SPATA7: variants seen among roughly 807,000 people sequenced by gnomAD.
The protein encoded by SPATA7 is spermatogenesis associated 7, also known as spermatogenesis-associated protein 7.
In SPATA7, 43 loss-of-function variants were observed where a neutral mutation model predicts 51.8. The ratio of observed to expected loss-of-function variants is 0.83; its 90% CI spans 0.65 to 1.07. The LOEUF (loss-of-function observed/expected upper bound fraction) is 1.07. Ranked by LOEUF, SPATA7 falls within the 50% of genes least tolerant of loss-of-function variation. The pLI is 0.00. For missense variants in SPATA7, 683 were observed against 701.3 expected (o/e 0.97, Z 0.30); for synonymous variants, 230 against 252.8 (o/e 0.91, Z 0.86).
In SPATA7 at chr14:88,427,620, A is replaced by G. The variant is rs770410595; in HGVS notation, c.846-10A>G. The G allele has an allele frequency of 1.3e-6, 2 of 1,578,962 alleles. No individual in the cohort carries two copies. The highest frequency in any genetic ancestry group is 1.1e-5 in the South Asian group (1 of 88,846). ...AAGGATTAACAATTATTTATTTTAA[A>G]TTATTACAGCTTTAAATCTGAGTTG... On this transcript the variant is annotated splice_polypyrimidine_tract_variant and intron_variant, in intron 6 of 11. Transcript: ENST00000393545.
intron 3 of SPATA7, among the ~76,000 whole-genome samples, chr14:88,395,240 T>G (rs572534465): frequency 6.6e-6 from 1 of 152,240 alleles, no homozygotes; most frequent in Admixed American, 6.5e-5. Context: ...GCAATCCCAT[T>G]AACTACAGAC....
chr14:88,408,400 G>T (rs2076253525), intron 4 of SPATA7, among the ~76,000 whole-genome samples: 1 of 151,888 alleles, frequency 6.6e-6, no homozygotes, highest in African/African-American at 2.4e-5. Context: ...CTCATGATTT[G>T]GCTGTCTGTC....
chr14:88,427,036 A>G (rs917201856), intron 6 of SPATA7, among the ~76,000 whole-genome samples: 4 of 152,230 alleles, frequency 2.6e-5, no homozygotes, highest in Non-Finnish European at 5.9e-5. Flanking sequence ...GGAAATATGC[A>G]TATTGATTCA....
chr14:88,433,614 A>G (rs967763132), intron 10 of SPATA7, among the ~76,000 whole-genome samples: 2 of 152,158 alleles, frequency 1.3e-5, no homozygotes, highest in African/African-American at 4.8e-5. Context: ...ATGAGAACAA[A>G]TTAAGAGCTA....
chr14:88,461,567 A>G (rs897884321), intron 4 of SPATA7, among the ~76,000 whole-genome samples: 23 of 152,106 alleles, frequency 1.5e-4, no homozygotes, highest in Non-Finnish European at 2.9e-4. Context: ...AAAGCTCAGT[A>G]TTTGGGTGGG....
At chr14:88,417,316 T>A (rs185906567) in intron 5 of SPATA7, among the ~76,000 whole-genome samples, 8,094 of 143,972 alleles carry the variant, frequency 0.056, 322 homozygotes, top group Non-Finnish European at 0.086. Flanking sequence ...TTTTTTTTTT[T>A]TATATATATA....
At chr14:88,428,391 C>G (rs980808097) in intron 7 of SPATA7, 2 of 152,114 alleles carry the variant, frequency 1.3e-5, no homozygotes, top group African/African-American at 4.8e-5. Context: ...TACTCAACTT[C>G]CCCCTTCCCT....
At chr14:88,437,703 T>C (rs1178857632) in intron 11 of SPATA7, 106 bp downstream of exon 11, 27 of 1,344,034 alleles carry the variant, frequency 2.0e-5, no homozygotes, top group East Asian at 4.7e-5. Flanking sequence ...GCTTTTTTTT[T>C]CCCTTGAACT....
At chr14:88,423,531 G>A (rs928647706) in intron 5 of SPATA7, among the ~76,000 whole-genome samples, 1 of 151,242 alleles carries the variant, frequency 6.6e-6, no homozygotes, top group Non-Finnish European at 1.5e-5. Context: ...ACTCCAGCCT[G>A]GGTAACAAAG....
chr14:88,455,197 A>G (rs1292522425), exon 4 of SPATA7: 1 of 428,694 alleles, frequency 2.3e-6, no homozygotes, highest in Non-Finnish European at 4.7e-6. Flanking sequence ...ATTGATAGCA[A>G]ATCTTTATTC....
At chr14:88,459,858 G>T (rs1195410299), downstream of SPATA7, among the ~76,000 whole-genome samples, 3 of 151,728 alleles carry the variant, frequency 2.0e-5, no homozygotes, top group Admixed American at 6.5e-5. Context: ...GGTACCAGTC[G>T]TTCCTTTCCA....
intron 2 of SPATA7, among the ~76,000 whole-genome samples, chr14:88,392,862 T>G (rs17124624): frequency 0.03 from 4,522 of 150,976 alleles, 291 homozygotes; most frequent in African/African-American, 0.11. Context: ...TCATGGAATT[T>G]CTTTGCGATT....
At chr14:88,442,954 T>G (rs2077187860), downstream of SPATA7, among the ~76,000 whole-genome samples, 3 of 150,568 alleles carry the variant, frequency 2.0e-5, no homozygotes, top group Admixed American at 6.6e-5. Flanking sequence ...TTTTTTTTTT[T>G]TTTTTGAGAT....
intron 5 of SPATA7, among the ~76,000 whole-genome samples, chr14:88,423,392 T>G (rs991804925): frequency 3.8e-5 from 4 of 105,066 alleles, no homozygotes; most frequent in African/African-American, 7.8e-5. Flanking sequence ...AAAAAAAAAA[T>G]ACAAGAAAAA....
intron 1 of SPATA7, among the ~76,000 whole-genome samples, chr14:88,387,057 G>A (rs1199038312): frequency 6.6e-6 from 1 of 152,130 alleles, no homozygotes; most frequent in African/African-American, 2.4e-5. Flanking sequence ...ACCTTGATAG[G>A]CATTAGCCTT....
At chr14:88,446,372 C>T (rs1366456463) in intron 3 of SPATA7, among the ~76,000 whole-genome samples, 1 of 152,078 alleles carries the variant, frequency 6.6e-6, no homozygotes, top group Non-Finnish European at 1.5e-5. Flanking sequence ...ATTCTTCTCT[C>T]TTTTTTTGTT....
rs61442209 is a variant in SPATA7, at chr14:88,407,768, T to C, written c.239-8943T>C. On this transcript the variant is annotated intron_variant, in intron 4 of 11. Coordinates refer to ENST00000393545, the MANE Select transcript of SPATA7 (RefSeq NM_018418.5). ...CTTACATTTAAGTCTTTAATCCATCTTGAGTTAATTTTTGTATAAGGTGTA... is the reference window on the plus strand; with the variant it reads ...CTTACATTTAAGTCTTTAATCCATCCTGAGTTAATTTTTGTATAAGGTGTA... Among the ~76,000 whole-genome samples the C allele has an allele frequency of 7.5e-3, 1,142 of 152,340 alleles. 14 individuals carry two copies. The highest frequency in any genetic ancestry group is 0.026 in the African/African-American group (1,097 of 41,574).
intron 3 of SPATA7, among the ~76,000 whole-genome samples, chr14:88,449,955 C>T (rs79326276): frequency 0.038 from 5,770 of 152,020 alleles, 358 homozygotes; most frequent in African/African-American, 0.13. Flanking sequence ...AAATATCCCA[C>T]TGGTATTTTG....
chr14:88,399,486 T>C (rs1269401705), intron 4 of SPATA7, among the ~76,000 whole-genome samples: 1 of 152,240 alleles, frequency 6.6e-6, no homozygotes, highest in African/African-American at 2.4e-5. Flanking sequence ...ATACAAGTTA[T>C]ATGGGCAAGT....
Sources: gnomAD v4.1 joint callset for allele counts (sites outside exome capture counted in the v4.1 genomes callset) on GRCh38, gnomAD v4.1.1 for gene constraint, MANE v1.5 for transcripts, NCBI Gene and HGNC (gene_info 2026-07-23, HGNC 2026-07-21) for gene names.